COL24A1: variants seen among roughly 807,000 people sequenced by gnomAD.
COL24A1 encodes the protein collagen alpha-1(XXIV) chain.
A neutral mutation model predicts 253.9 loss-of-function variants in COL24A1; 224 were observed. The ratio of observed to expected loss-of-function variants is 0.88; its 90% CI spans 0.79 to 0.99. COL24A1 has a LOEUF of 0.99. Ranked by LOEUF, COL24A1 falls within the 50% of genes least tolerant of loss-of-function variation. The pLI, the probability that COL24A1 is intolerant of heterozygous loss-of-function variation, is 0.00. For synonymous variants in COL24A1, 685 were observed against 673.7 expected (o/e 1.02, Z -0.26); for missense variants, 2,131 against 2,068.5 (o/e 1.03, Z -0.59).
chr1:85,893,081 A>G (rs1683294636), intron 31 of COL24A1, among the ~76,000 whole-genome samples: 1 of 152,142 alleles, frequency 6.6e-6, no homozygotes, highest in African/African-American at 2.4e-5. Context: ...CAGAATGAAT[A>G]AAACACAAGG....
At chr1:85,937,193 C>A (rs1688318812) in intron 24 of COL24A1, among the ~76,000 whole-genome samples, 1 of 147,672 alleles carries the variant, frequency 6.8e-6, no homozygotes. Flanking sequence ...AGATGGATGG[C>A]AGCTGAGCTA....
At chr1:86,118,168 T>G (rs975053583) in intron 3 of COL24A1, among the ~76,000 whole-genome samples, 1 of 151,886 alleles carries the variant, frequency 6.6e-6, no homozygotes, top group African/African-American at 2.4e-5. Context: ...GTTCAAGCAA[T>G]TCTCCTGCCT....
At chr1:86,116,550 G>A (rs1108309) in intron 3 of COL24A1, among the ~76,000 whole-genome samples, 1 of 151,952 alleles carries the variant, frequency 6.6e-6, no homozygotes, top group African/African-American at 2.4e-5. Context: ...AAGGAGGAGA[G>A]GGAAAATGGA....
intron 19 of COL24A1, among the ~76,000 whole-genome samples, chr1:86,010,125 A>C (rs1399610946): frequency 6.6e-6 from 1 of 152,208 alleles, no homozygotes; most frequent in Non-Finnish European, 1.5e-5. Flanking sequence ...AATCAGAAGA[A>C]AACATAGGTG....
At chr1:86,149,195 C>T (rs953722955) in intron 1 of COL24A1, among the ~76,000 whole-genome samples, 3 of 152,034 alleles carry the variant, frequency 2.0e-5, no homozygotes, top group South Asian at 2.1e-4. Flanking sequence ...ATGCCTGGCC[C>T]ACCTGGGGAG....
chr1:85,878,127 T>C (rs1681396849), intron 32 of COL24A1, among the ~76,000 whole-genome samples: 1 of 152,194 alleles, frequency 6.6e-6, no homozygotes, highest in South Asian at 2.1e-4. Context: ...CATTTATTCA[T>C]TGGACATTGT....
intron 26 of COL24A1, among the ~76,000 whole-genome samples, chr1:85,909,654 A>G (rs1230076844): frequency 6.6e-6 from 1 of 151,872 alleles, no homozygotes; most frequent in Non-Finnish European, 1.5e-5. Flanking sequence ...CCGAAGAGAA[A>G]TCACAGTATG....
chr1:85,861,683 T>C (rs1169010310), intron 37 of COL24A1, among the ~76,000 whole-genome samples: 1 of 152,356 alleles, frequency 6.6e-6, no homozygotes, highest in South Asian at 2.1e-4. Context: ...GCGTATGATG[T>C]GCTTTTCTAA....
In COL24A1 at chr1:86,110,545, G is replaced by A. The variant is rs560426300; in HGVS notation, c.1599+2022C>T. Among the ~76,000 whole-genome samples the A allele has an allele frequency of 5.3e-5, 8 of 152,042 alleles. No homozygotes were observed. The East Asian group carries it at 7.8e-4, about 15-fold the overall frequency. On this transcript the variant is annotated intron_variant, in intron 5 of 59. Coordinates refer to ENST00000370571, the MANE Select transcript of COL24A1 (RefSeq NM_152890.7). Reference sequence around the variant, plus strand: ...GAGGGAGCCAGCTCCCTCTGCTTGCGGGGAGGTGTGGAGGGAGAGGCGCAG... The same window carrying A: ...GAGGGAGCCAGCTCCCTCTGCTTGCAGGGAGGTGTGGAGGGAGAGGCGCAG...
intron 24 of COL24A1, among the ~76,000 whole-genome samples, chr1:85,921,038 C>G (rs1361069845): frequency 6.6e-6 from 1 of 152,148 alleles, no homozygotes; most frequent in Non-Finnish European, 1.5e-5. Context: ...TCAGCATGAT[C>G]TGCATTTCCA....
chr1:86,100,826 T>C (rs183171587), intron 5 of COL24A1, among the ~76,000 whole-genome samples: 2 of 152,262 alleles, frequency 1.3e-5, no homozygotes, highest in East Asian at 1.9e-4. Flanking sequence ...GAAGGTGGTA[T>C]GGTGGGATAG....
chr1:86,153,855 G>A (rs1311088909), intron 1 of COL24A1, among the ~76,000 whole-genome samples: 1 of 152,040 alleles, frequency 6.6e-6, no homozygotes, highest in Non-Finnish European at 1.5e-5. Flanking sequence ...GTCAAATTAA[G>A]GTATCTAAAG....
intron 28 of COL24A1, among the ~76,000 whole-genome samples, chr1:85,899,595 TA>T (rs1273234623): frequency 6.6e-6 from 1 of 152,218 alleles, no homozygotes; most frequent in African/African-American, 2.4e-5. Context: ...GTGGCAGCCA[TA>T]AGCATTAAGC....
intron 32 of COL24A1, among the ~76,000 whole-genome samples, chr1:85,885,575 A>G (rs1682402898): frequency 6.6e-6 from 1 of 152,022 alleles, no homozygotes; most frequent in Non-Finnish European, 1.5e-5. Flanking sequence ...AGGCTCTCTA[A>G]AATAAATAAC....
intron 12 of COL24A1, among the ~76,000 whole-genome samples, chr1:86,043,966 C>G (rs1699703947): frequency 6.6e-6 from 1 of 152,208 alleles, no homozygotes; most frequent in Non-Finnish European, 1.5e-5. Flanking sequence ...TAGGTGTCAT[C>G]CATCTACTTC....
At chr1:85,776,191 T>G (rs144746246) in intron 52 of COL24A1, among the ~76,000 whole-genome samples, 233 of 152,326 alleles carry the variant, frequency 1.5e-3, no homozygotes, top group African/African-American at 5.2e-3. Flanking sequence ...ACTTGCTCTT[T>G]GATCCATGGA....
At chr1:85,947,956 A>C (rs199550293) in intron 24 of COL24A1, among the ~76,000 whole-genome samples, 1 of 2,188 alleles carries the variant, frequency 4.6e-4, no homozygotes. Flanking sequence ...TCTTTGAAAT[A>C]CATTCAATTT....
chr1:86,156,896 C>G (rs890046432), upstream of COL24A1: 2 of 152,514 alleles, frequency 1.3e-5, no homozygotes, highest in African/African-American at 4.8e-5. Flanking sequence ...CACACACCCA[C>G]TTCGGAAATC....
At chr1:85,821,264 T>A (rs1366678594) in intron 45 of COL24A1, among the ~76,000 whole-genome samples, 1 of 152,190 alleles carries the variant, frequency 6.6e-6, no homozygotes, top group Non-Finnish European at 1.5e-5. Flanking sequence ...GCCCAATGAA[T>A]GAATTGGTTG....
Sources: allele counts gnomAD v4.1 joint callset (sites outside exome capture counted in the v4.1 genomes callset), GRCh38; gene constraint gnomAD v4.1.1; transcripts MANE v1.5; gene names NCBI Gene and HGNC (gene_info 2026-07-23, HGNC 2026-07-21).